Variants in ANO3 observed in about 807,000 individuals in gnomAD.
The protein encoded by ANO3 is anoctamin-3.
A neutral mutation model predicts 144.8 loss-of-function variants in ANO3; 99 were observed. The ratio of observed to expected loss-of-function variants is 0.68; its 90% CI spans 0.58 to 0.81. ANO3 has a LOEUF of 0.81. Among genes scored for constraint, ANO3 ranks in the 30% least tolerant of loss-of-function variants. The pLI is 0.00. For synonymous variants in ANO3, 414 were observed against 392.6 expected, an observed-to-expected ratio of 1.05 and a Z score of -0.64; for missense variants, 905 against 1,202.2, an observed-to-expected ratio of 0.75 and a Z score of 3.66.
intron 13 of ANO3, among the ~76,000 whole-genome samples, chr11:26,556,813 T>A (rs373782350): frequency 6.6e-6 from 1 of 152,128 alleles, no homozygotes; most frequent in African/African-American, 2.4e-5. Context: ...CCTCCAAGTC[T>A]CCAGTAATAG....
chr11:26,285,209 GAGCCTGA>G (rs1458901610), intron 1 of ANO3, among the ~76,000 whole-genome samples: 1 of 152,018 alleles, frequency 6.6e-6, no homozygotes, highest in Non-Finnish European at 1.5e-5. Flanking sequence ...TTTTGTAAAA[GAGCCTGA>G]AGTCTTAACC....
At chr11:26,431,246 T>C (rs1486869163) in intron 1 of ANO3, among the ~76,000 whole-genome samples, 1 of 152,234 alleles carries the variant, frequency 6.6e-6, no homozygotes, top group Non-Finnish European at 1.5e-5. Context: ...TTATGAACCA[T>C]GTAGAACTTT....
chr11:26,338,455 T>C lies in ANO3; in HGVS notation c.46+6134T>C, dbSNP rs1411792212. On this transcript the variant is annotated intron_variant, in intron 1 of 26. Transcript: ENST00000256737. ...CTGTAAAATGGACCAATCAGCACTC[T>C]GTAAAATGGACCAATCAGCAGAATG... 2.0e-5 allele frequency among the ~76,000 whole-genome samples: 3 copies of C among 152,116 alleles called. No homozygotes were observed. The East Asian group carries it at 5.8e-4, about 29-fold the overall frequency.
intron 1 of ANO3, among the ~76,000 whole-genome samples, chr11:26,397,633 A>G (rs1224430321): frequency 2.0e-5 from 3 of 152,118 alleles, no homozygotes; most frequent in Admixed American, 2.0e-4. Flanking sequence ...CATATAATGT[A>G]CAGTGATCAG....
At chr11:26,552,924 T>A (rs1407666770) in intron 12 of ANO3, among the ~76,000 whole-genome samples, 1 of 147,648 alleles carries the variant, frequency 6.8e-6, no homozygotes, top group African/African-American at 2.5e-5. Context: ...ACTCCATTGG[T>A]ATACCGCACA....
At chr11:26,656,618 G>T (rs772057260) in intron 26 of ANO3, 137 bp downstream of exon 26, 33 of 625,990 alleles carry the variant, frequency 5.3e-5, no homozygotes, top group Non-Finnish European at 8.5e-5. Context: ...TTAATACAAT[G>T]AAAGCATTAT....
intron 23 of ANO3, among the ~76,000 whole-genome samples, chr11:26,644,709 G>A (rs2133067550): frequency 6.6e-6 from 1 of 152,154 alleles, no homozygotes; most frequent in Non-Finnish European, 1.5e-5. Flanking sequence ...GTGAGATTAA[G>A]TATATTTGTA....
chr11:26,332,544 T>A (rs1855082385), intron 1 of ANO3, among the ~76,000 whole-genome samples: 1 of 151,250 alleles, frequency 6.6e-6, no homozygotes, highest in Non-Finnish European at 1.5e-5. Context: ...ATTCGTCATT[T>A]CAGGACTTGA....
intron 1 of ANO3, among the ~76,000 whole-genome samples, chr11:26,255,631 T>A (rs573857417): frequency 6.6e-6 from 1 of 151,390 alleles, no homozygotes; most frequent in Non-Finnish European, 1.5e-5. Context: ...GGGAGGGGGG[T>A]TTTGGTCTCC....
intron 1 of ANO3, among the ~76,000 whole-genome samples, chr11:26,313,556 G>A (rs1447325901): frequency 6.6e-6 from 1 of 151,940 alleles, no homozygotes; most frequent in Non-Finnish European, 1.5e-5. Context: ...GCGTGGTGGT[G>A]CGTGCCTATA....
chr11:26,593,414 T>C (rs1318148585), intron 14 of ANO3, among the ~76,000 whole-genome samples: 1 of 152,154 alleles, frequency 6.6e-6, no homozygotes, highest in Non-Finnish European at 1.5e-5. Context: ...TTGCCTGTCC[T>C]AGGACCCCTT....
At chr11:26,269,809 CT>C (rs112400146) in intron 1 of ANO3, among the ~76,000 whole-genome samples, 4 of 152,326 alleles carry the variant, frequency 2.6e-5, no homozygotes, top group African/African-American at 9.6e-5. Context: ...CACATCCACC[CT>C]GCCAAAAAAT....
chr11:26,267,825 G>T (rs1483130957), intron 1 of ANO3, among the ~76,000 whole-genome samples: 4 of 151,976 alleles, frequency 2.6e-5, no homozygotes, highest in African/African-American at 9.7e-5. Flanking sequence ...GAGATTAAAA[G>T]CTTCTGCTTG....
intron 4 of ANO3, among the ~76,000 whole-genome samples, chr11:26,480,478 G>A (rs1860166703): frequency 6.6e-6 from 1 of 152,002 alleles, no homozygotes; most frequent in South Asian, 2.1e-4. Context: ...CATAGTAGTA[G>A]TAAGTTAAAA....
intron 17 of ANO3, among the ~76,000 whole-genome samples, chr11:26,604,488 A>G (rs1044301270): frequency 1.3e-4 from 20 of 152,148 alleles, no homozygotes; most frequent in African/African-American, 4.6e-4. Flanking sequence ...TATTGAATCT[A>G]TAAATTACTT....
At chr11:26,369,309 T>C (rs1856183571) in intron 1 of ANO3, among the ~76,000 whole-genome samples, 2 of 152,166 alleles carry the variant, frequency 1.3e-5, no homozygotes, top group African/African-American at 2.4e-5. Flanking sequence ...TCTGGAAACA[T>C]TAAAATGTCA....
At chr11:26,539,691 T>C (rs72873096) in intron 10 of ANO3, among the ~76,000 whole-genome samples, 1,767 of 152,292 alleles carry the variant, frequency 0.012, 16 homozygotes, top group Non-Finnish European at 0.019. Flanking sequence ...CTCACCGTCC[T>C]GGTTGTCAAG....
At chr11:26,464,629 TA>T (rs577501053) in intron 4 of ANO3, among the ~76,000 whole-genome samples, 240 of 151,954 alleles carry the variant, frequency 1.6e-3, no homozygotes, top group African/African-American at 5.6e-3. Flanking sequence ...ATCAAAGTTT[TA>T]AAAAAGTTGG....
Position 26,442,756 on chromosome 11 carries a change from T to A in ANO3, c.241+644T>A, listed in dbSNP as rs141976290. Among the ~76,000 whole-genome samples the A allele has an allele frequency of 2.8e-3, 431 of 152,188 alleles. 1 individual carries two copies. The highest frequency in any genetic ancestry group is 5.2e-3 in the Non-Finnish European group (353 of 67,982). ...ACCAAGCTCCCTGTTGTGCAGTGGA[T>A]AGGGTATGTTTTTCTTGTTCTTTTT... is the stretch of plus-strand genomic sequence containing the variant. On this transcript the variant is annotated intron_variant, in intron 2 of 26. Transcript: ENST00000256737.
Sources: allele counts gnomAD v4.1 joint callset (sites outside exome capture counted in the v4.1 genomes callset), GRCh38; gene constraint gnomAD v4.1.1; transcripts MANE v1.5; gene names NCBI Gene and HGNC (gene_info 2026-07-23, HGNC 2026-07-21).